ESR1: variants seen among roughly 807,000 people sequenced by gnomAD.
ESR1 encodes the protein estrogen receptor 1.
A neutral mutation model predicts 52.7 loss-of-function variants in ESR1; 12 were observed. The observed-to-expected ratio is 0.23, with a 90% CI of 0.15 to 0.37. The LOEUF (loss-of-function observed/expected upper bound fraction) is 0.37, where lower values mean the gene tolerates loss of function less well. Ranked by LOEUF, ESR1 falls within the 10% of genes least tolerant of loss-of-function variation. ESR1 has a pLI of 1.00. For synonymous variants in ESR1, 305 were observed against 316.8 expected, an observed-to-expected ratio of 0.96 and a Z score of 0.39; for missense variants, 584 against 779.7, an observed-to-expected ratio of 0.75 and a Z score of 2.99.
intron 3 of ESR1, among the ~76,000 whole-genome samples, chr6:151,909,176 C>T (rs780749313): frequency 6.6e-6 from 1 of 152,236 alleles, no homozygotes; most frequent in Non-Finnish European, 1.5e-5. Context: ...CTGCTAATAA[C>T]ACCAAGGTCG....
chr6:151,791,536 T>C (rs932400632), intron 2 of ESR1, among the ~76,000 whole-genome samples: 1 of 152,182 alleles, frequency 6.6e-6, no homozygotes, highest in African/African-American at 2.4e-5. Context: ...GAAAATGGAC[T>C]AATACATGAG....
At chr6:151,897,265 A>G (rs1179700031) in intron 3 of ESR1, among the ~76,000 whole-genome samples, 5 of 152,038 alleles carry the variant, frequency 3.3e-5, no homozygotes, top group Admixed American at 6.5e-5. Context: ...CCTGTCTAGT[A>G]TTGTCAGTGG....
chr6:152,068,454 A>C (rs570714032), intron 6 of ESR1, among the ~76,000 whole-genome samples: 2 of 152,246 alleles, frequency 1.3e-5, no homozygotes, highest in African/African-American at 4.8e-5. Flanking sequence ...TTTGAGAAAA[A>C]TCTCTGTATG....
chr6:152,032,070 G>A (rs996816204), intron 5 of ESR1, among the ~76,000 whole-genome samples: 5 of 152,080 alleles, frequency 3.3e-5, no homozygotes, highest in Non-Finnish European at 5.9e-5. Flanking sequence ...TGCAGAAAAG[G>A]CCTTTGACAA....
At chr6:151,809,983 A>G (rs1778543992) in intron 1 of ESR1, among the ~76,000 whole-genome samples, 1 of 152,120 alleles carries the variant, frequency 6.6e-6, no homozygotes. Context: ...CCATAACCTT[A>G]TGATGGACTC....
intron 2 of ESR1, among the ~76,000 whole-genome samples, chr6:151,731,159 G>C (rs1308620397): frequency 1.3e-5 from 2 of 152,238 alleles, no homozygotes; most frequent in East Asian, 3.9e-4. Context: ...TTTGAGACCA[G>C]CTTGTCCAAC....
chr6:152,065,008 C>T (rs1051816141), intron 6 of ESR1, among the ~76,000 whole-genome samples: 16 of 152,120 alleles, frequency 1.1e-4, no homozygotes, highest in African/African-American at 3.1e-4. Context: ...CCATTGTAGG[C>T]CCTTAGTCAA....
At position 151,774,587 on chromosome 6, in the gene ESR1, T is replaced by C. The variant is rs1026148410; in HGVS notation, c.-70-33256T>C. ...CAGTACTGGTAGGGCTGGGATGTTA[T>C]TGCTTTTGTCCACCAACTTCCAACT... is the stretch of plus-strand genomic sequence containing the variant. On this transcript the variant is annotated intron_variant, in intron 2 of 2. Transcript: ENST00000404742. Among the ~76,000 whole-genome samples, 3 of 152,208 alleles carry C rather than the reference T, an allele frequency of 2.0e-5. No homozygotes were observed. The East Asian group carries it at 5.8e-4, about 29-fold the overall frequency.
intron 1 of ESR1, among the ~76,000 whole-genome samples, chr6:151,671,463 A>T (rs1463680550): frequency 4.6e-5 from 7 of 152,214 alleles, no homozygotes; most frequent in African/African-American, 1.7e-4. Flanking sequence ...TCTCACTTAC[A>T]TGTGGAATCC....
intron 1 of ESR1, among the ~76,000 whole-genome samples, chr6:151,819,733 G>A (rs978545307): frequency 2.6e-5 from 4 of 152,108 alleles, no homozygotes; most frequent in African/African-American, 4.8e-5. Flanking sequence ...AATAAAGTGC[G>A]CAATAAATGT....
intron 2 of ESR1, among the ~76,000 whole-genome samples, chr6:151,753,461 G>A (rs369267066): frequency 4.1e-4 from 62 of 152,158 alleles, no homozygotes; most frequent in African/African-American, 1.4e-3. Flanking sequence ...GGGAATACAG[G>A]TGCATGCCAC....
At chr6:151,818,179 A>G (rs1779974229) in intron 1 of ESR1, among the ~76,000 whole-genome samples, 1 of 152,198 alleles carries the variant, frequency 6.6e-6, no homozygotes, top group Non-Finnish European at 1.5e-5. Flanking sequence ...ATAGAAGCCC[A>G]TGGTGTCTGG....
chr6:151,965,872 T>C (rs1584516794), intron 4 of ESR1, among the ~76,000 whole-genome samples: 1 of 152,272 alleles, frequency 6.6e-6, no homozygotes, highest in East Asian at 1.9e-4. Context: ...GTTTCATATT[T>C]TATGTGAAAT....
intron 5 of ESR1, among the ~76,000 whole-genome samples, chr6:152,034,134 C>A (rs1009175962): frequency 7.3e-5 from 8 of 109,032 alleles, no homozygotes; most frequent in African/African-American, 2.9e-4. Context: ...CACACCGGGG[C>A]CTTTTGTGTG....
chr6:151,855,139 C>T (rs1253681526), intron 2 of ESR1, among the ~76,000 whole-genome samples: 1 of 152,212 alleles, frequency 6.6e-6, no homozygotes, highest in Non-Finnish European at 1.5e-5. Context: ...GTCTCTAACT[C>T]CTGACCTCAA....
At chr6:151,855,121 G>A (rs1181151978) in intron 2 of ESR1, among the ~76,000 whole-genome samples, 1 of 152,082 alleles carries the variant, frequency 6.6e-6, no homozygotes, top group Non-Finnish European at 1.5e-5. Context: ...ACTGTGTTGG[G>A]CACACTAGTC....
chr6:152,000,489 G>C (rs1038424642), intron 4 of ESR1, among the ~76,000 whole-genome samples: 1 of 151,932 alleles, frequency 6.6e-6, no homozygotes, highest in Non-Finnish European at 1.5e-5. Context: ...TATCTAATTA[G>C]CTTTTCCTGG....
chr6:151,833,140 G>A (rs1017512952), intron 1 of ESR1, among the ~76,000 whole-genome samples: 1 of 152,154 alleles, frequency 6.6e-6, no homozygotes, highest in Non-Finnish European at 1.5e-5. Context: ...GAAGGCTAGA[G>A]GTGTACTAAC....
intron 2 of ESR1, among the ~76,000 whole-genome samples, chr6:151,768,365 A>G (rs1785233496): frequency 6.6e-6 from 1 of 152,176 alleles, no homozygotes; most frequent in Admixed American, 6.5e-5. Flanking sequence ...GGCATTCCAC[A>G]AAATAGCTGG....
Sources: allele counts gnomAD v4.1 joint callset (sites outside exome capture counted in the v4.1 genomes callset), GRCh38; gene constraint gnomAD v4.1.1; transcripts MANE v1.5; gene names NCBI Gene and HGNC (gene_info 2026-07-23, HGNC 2026-07-21).